TLN1: variants seen among roughly 807,000 people sequenced by gnomAD.
TLN1 encodes the protein talin-1.
A neutral mutation model predicts 292.3 loss-of-function variants in TLN1; 56 were observed. The observed-to-expected ratio is 0.19, with a 90% CI of 0.15 to 0.24. The LOEUF (loss-of-function observed/expected upper bound fraction) is 0.24. TLN1 is among the 10% of genes least tolerant of loss of function. TLN1 has a pLI of 1.00. For missense variants in TLN1, 2,433 were observed against 3,248.2 expected, an observed-to-expected ratio of 0.75 and a Z score of 6.10; for synonymous variants, 1,119 against 1,253.7, an observed-to-expected ratio of 0.89 and a Z score of 2.27.
chr9:35,697,593 C>T lies in TLN1; in HGVS notation c.*198G>A. On this transcript the variant is annotated 3_prime_UTR_variant, in exon 57 of 57. Transcript: ENST00000314888. The stretch of plus-strand genomic sequence containing the variant: ...GGGGAGGGGCAGGCACTTGGGGGGC[C>T]CTAGGGCATGAAGGCACTTGGGGTT... The T allele has an allele frequency of 1.4e-6, 1 of 693,006 alleles. No individual in the cohort carries two copies. The highest frequency in any genetic ancestry group is 1.9e-5 in the South Asian group (1 of 52,080). The allele number at this position is 693,006 out of a possible 1,614,324, so 42.9% of individuals were successfully genotyped here. A position where few individuals can be genotyped will look rare whatever the true frequency, so the allele number is the denominator to read the frequency against.
intron 1 of TLN1, among the ~76,000 whole-genome samples, chr9:35,730,442 G>A (rs991466738): frequency 2.0e-5 from 3 of 151,918 alleles, no homozygotes; most frequent in Admixed American, 2.0e-4. Context: ...GGGGGAAGGG[G>A]ATCTACAAAT....
Position 35,698,103 on chromosome 9 carries a change from C to T in TLN1, c.7441G>A (p.Glu2481Lys). Residue 2481 changes from glutamate (E) to lysine (K), a missense_variant, in exon 56 of 57, where the codon GAA becomes AAA. Transcript: ENST00000314888. The surrounding 1 kb of genome is among the most constrained non-coding windows in gnomAD (Gnocchi z 5.3). ...VKAAQKAAAF[E>K]EQENETVVVK... The stretch of plus-strand genomic sequence containing the variant: ...ACCACTGTCTCATTCTCCTGCTCTT[C>T]AAAGGCTGCAGCCTTCTGTGCTGCT... 4 of 1,614,138 alleles carry T rather than the reference C, an allele frequency of 2.5e-6. No individual in the cohort carries two copies. Among genetic ancestry groups the T allele is most frequent in the Non-Finnish European group, 3.4e-6 (4 of 1,180,048 alleles).
chr9:35,718,770 T>G, intron 17 of TLN1, 42 bp downstream of exon 17: 1 of 1,559,934 alleles, frequency 6.4e-7, no homozygotes, highest in Non-Finnish European at 8.8e-7. Context: ...AGAAGTTACT[T>G]CCTAGATTCT....
rs1825930406 is a variant in TLN1, at chr9:35,724,358, G to A, written c.512-24C>T. On this transcript the variant is annotated intron_variant, in intron 5 of 56. Transcript: ENST00000314888. This position sits in a 1 kb window ranked among gnomAD's most constrained non-coding sequence, Gnocchi z 4.7. ...CACTGGGATACAGACAGTCCCCTCAGTGCCAAACCCCCATGGCCCCTGTGC... is the reference window on the plus strand; with the variant it reads ...CACTGGGATACAGACAGTCCCCTCAATGCCAAACCCCCATGGCCCCTGTGC... 6.2e-7 allele frequency: 1 copy of A among 1,613,874 alleles called. No homozygotes were observed. The highest frequency in any genetic ancestry group is 8.5e-7 in the Non-Finnish European group (1 of 1,179,872).
At position 35,713,707 on chromosome 9, in the gene TLN1, GGAAAAGAAAAGAAAAGA is replaced by G. The variant is rs1193998206; in HGVS notation, c.3249+229_3249+245del. ...AAGAAAGAAAAAGAAATAAAAGAAC[GGAAAAGAAAAGAAAAGA>G]GAAAAGAAAAGAAAGAGGAGAGGAA... On this transcript the variant is annotated intron_variant, in intron 25 of 56. Transcript: ENST00000314888. Among the ~76,000 whole-genome samples the G allele has an allele frequency of 6.7e-5, 9 of 133,672 alleles. 1 individual carries two copies. Among genetic ancestry groups the G allele is most frequent in the South Asian group, 2.4e-4 (1 of 4,238 alleles). 87.7% of individuals were successfully genotyped at this position (133,672 alleles called of 152,430 possible). A position where few individuals can be genotyped will look rare whatever the true frequency, so the allele number is the denominator to read the frequency against.
At chr9:35,723,860 G>C (rs1473445422) in intron 7 of TLN1, 92 bp downstream of exon 7, 7 of 1,557,540 alleles carry the variant, frequency 4.5e-6, no homozygotes, top group Admixed American at 4.1e-5. Context: ...AAGAAATAGT[G>C]GGGGGCAGGC....
chr9:35,709,818 C>T (rs1457822784), intron 33 of TLN1, among the ~76,000 whole-genome samples: 5 of 123,924 alleles, frequency 4.0e-5, no homozygotes, highest in Non-Finnish European at 6.4e-5. Context: ...ACCCGGGAGG[C>T]GGAGCTTGCA....
chr9:35,708,208 CA>C, intron 34 of TLN1, 132 bp downstream of exon 34: 1 of 1,174,942 alleles, frequency 8.5e-7, no homozygotes, highest in Non-Finnish European at 1.2e-6. Flanking sequence ...GACAGTTACC[CA>C]AAAAGAAGCT....
chr9:35,718,705 T>G, intron 17 of TLN1, 107 bp downstream of exon 17: 1 of 851,508 alleles, frequency 1.2e-6, no homozygotes, highest in Non-Finnish European at 1.9e-6. Flanking sequence ...GAGGTTCAGA[T>G]TGGTTTTTAG....
At position 35,718,894 on chromosome 9, in the gene TLN1, A is replaced by G; in HGVS notation, c.1913T>C (p.Leu638Pro). The G allele has an allele frequency of 6.2e-7, 1 of 1,613,138 alleles. No homozygotes were observed. Among genetic ancestry groups the G allele is most frequent in the Non-Finnish European group, 8.5e-7 (1 of 1,179,558 alleles). The change falls in exon 17 of 57, where the codon CTG becomes CCG. Residue 638 changes from leucine to proline, a missense_variant. Transcript: ENST00000314888. Reference sequence around the variant, plus strand: ...CTGGCCCACGTTCCCAGCTGCTTGCAGCAGGTTCTGACGGGGCTGTGGAGA... The same window carrying G: ...CTGGCCCACGTTCCCAGCTGCTTGCGGCAGGTTCTGACGGGGCTGTGGAGA... ...PASAEPRQNLLQAAGNVGQAS... is the reference protein window; with the variant it reads ...PASAEPRQNLPQAAGNVGQAS...
chr9:35,699,166 T>A lies in TLN1; in HGVS notation c.6875-10A>T, dbSNP rs1283655612. The A allele has an allele frequency of 6.2e-7, 1 of 1,600,244 alleles. No homozygotes were observed. The highest frequency in any genetic ancestry group is 1.4e-5 in the African/African-American group (1 of 74,024). On this transcript the variant is annotated splice_polypyrimidine_tract_variant and intron_variant, in intron 51 of 56. Coordinates refer to ENST00000314888, the MANE Select transcript of TLN1 (RefSeq NM_006289.4). The surrounding 1 kb of genome is among the most constrained non-coding windows in gnomAD (Gnocchi z 4.0). ...TCTACCCATTCTGTTCCTGGTGGGA[T>A]GAAGGAAGAGGAAAGAGGCTAAGGC...
chr9:35,708,636 T>C (rs1825606764), intron 33 of TLN1, 152 bp from the exon 34 acceptor site: 1 of 660,138 alleles, frequency 1.5e-6, no homozygotes, highest in South Asian at 5.6e-5. Context: ...TAGCAAACAA[T>C]GGTTACACTA....
rs560007089 is a variant in TLN1, at chr9:35,721,891, T to G, written c.949-88A>C. On this transcript the variant is annotated intron_variant, in intron 9 of 56. Transcript: ENST00000314888. ...GATCAGCTTGCAGCCATAGGGGATG[T>G]TGAGGTGGCCGGGAGGGCTAACGGA... The G allele has an allele frequency of 3.2e-6, 5 of 1,541,648 alleles. No homozygotes were observed. The African/African-American group carries it at 6.8e-5, about 21-fold the overall frequency.
chr9:35,721,154 AT>A (rs1462987450), intron 10 of TLN1, among the ~76,000 whole-genome samples: 1 of 152,148 alleles, frequency 6.6e-6, no homozygotes, highest in Non-Finnish European at 1.5e-5. Flanking sequence ...GAAGTCTCTT[AT>A]TTTTACTCTG....
Position 35,706,074 on chromosome 9 carries a change from A to G in TLN1, c.5399T>C (p.Val1800Ala), listed in dbSNP as rs1249424745. ...CTCTACGGCCTCGGTCATCATCTGC[A>G]CAGCCTCCTCCAGGGCTTCCTGGGT... ...AHTQEALEEA[V>A]QMMTEAVEDL... The change falls in exon 41 of 57, where the codon GTG (valine) becomes GCG (alanine). Residue 1800 changes from valine to alanine, a missense_variant. Physicochemically the swap from Val to Ala is moderately conservative, Grantham distance 64 (BLOSUM62 0). Around this residue, in one of 7 missense-constraint regions of TLN1, gnomAD observed 1,384 missense variants for 1,699.6 expected, o/e 0.81. Transcript: ENST00000314888. This position sits in a 1 kb window ranked among gnomAD's most constrained non-coding sequence, Gnocchi z 4.2. 1.2e-6 allele frequency: 2 copies of G among 1,614,032 alleles called. No individual in the cohort carries two copies. Among genetic ancestry groups the G allele is most frequent in the Non-Finnish European group, 1.7e-6 (2 of 1,180,030 alleles).
At position 35,712,916 on chromosome 9, in the gene TLN1, G is replaced by A. The variant is rs772152615; in HGVS notation, c.3480C>T (p.Asp1160=). 1.2e-6 allele frequency: 2 copies of A among 1,607,428 alleles called. No individual in the cohort carries two copies. ...CCTCCTCAATGAGGCTGCTGGCCTT[G>A]TCCAGCACATCACTGGCCGTATCAA... ...IVLDTASDVL[D]KASSLIEEAK... is the part of the protein sequence containing the mutation. Residue 1160 remains aspartate (D), a synonymous_variant, in exon 27 of 57, where the codon GAC becomes GAT. Transcript: ENST00000314888.
chr9:35,711,865 GA>G, intron 28 of TLN1, 73 bp from the exon 29 acceptor site: 1 of 1,603,530 alleles, frequency 6.2e-7, no homozygotes. Flanking sequence ...AAGGAGGGCT[GA>G]AAAGGTGGGC....
Position 35,708,322 on chromosome 9 carries a change from C to A in TLN1, c.4470+19G>T. ...GCCCTTTCCCAGACTCGCCTGTGGT[C>A]CCTGTTCCCTTGAGTTACCTGGGCC... On this transcript the variant is annotated intron_variant, in intron 34 of 56. Transcript: ENST00000314888. 1.3e-6 allele frequency: 2 copies of A among 1,585,704 alleles called. No homozygotes were observed. Among genetic ancestry groups the A allele is most frequent in the South Asian group, 2.3e-5 (2 of 88,044 alleles).
intron 7 of TLN1, 78 bp from the exon 8 acceptor site, chr9:35,722,999 G>C: frequency 1.5e-6 from 2 of 1,298,214 alleles, no homozygotes; most frequent in Non-Finnish European, 2.2e-6. Context: ...GGGCCTGGGG[G>C]TATGAGGAAA....
Sources: gnomAD v4.1 joint callset for allele counts (sites outside exome capture counted in the v4.1 genomes callset) on GRCh38, gnomAD v4.1.1 for gene constraint, gnomAD v4.1.1 regional missense constraint, Gnocchi (gnomAD v3.1) non-coding constraint, MANE v1.5 for transcripts, NCBI Gene and HGNC (gene_info 2026-07-23, HGNC 2026-07-21) for gene names.